Variants in FBXW10B observed in about 807,000 individuals in gnomAD.
FBXW10B encodes F-box and WD repeat domain containing protein 10B.
chr17:15,572,181 G>A, the FBXW10B span: 1 of 151,472 alleles, frequency 6.6e-6, no homozygotes, highest in East Asian at 1.9e-4. Flanking sequence ...TAGATTTTCA[G>A]AGCACTTGGT....
chr17:15,603,660 T>C, the FBXW10B span, among the ~76,000 whole-genome samples: 5 of 151,692 alleles, frequency 3.3e-5, no homozygotes, highest in East Asian at 7.8e-4. Flanking sequence ...GAAAACAGTT[T>C]AGTACTCCTT....
the FBXW10B span, chr17:15,566,254 T>A: frequency 6.2e-7 from 1 of 1,609,988 alleles, no homozygotes; most frequent in Non-Finnish European, 8.5e-7. Context: ...GAGGAATTGG[T>A]CAGGTGACAT....
chr17:15,577,344 A>G, the FBXW10B span, among the ~76,000 whole-genome samples: 3 of 152,116 alleles, frequency 2.0e-5, no homozygotes, highest in Admixed American at 2.0e-4. Flanking sequence ...AGTCATTACA[A>G]TGGTTGAACA....
chr17:15,599,938 C>T, the FBXW10B span, among the ~76,000 whole-genome samples: 1 of 151,998 alleles, frequency 6.6e-6, no homozygotes, highest in Non-Finnish European at 1.5e-5. Flanking sequence ...TACTTACAGC[C>T]GGGCACGGTG....
chr17:15,610,009 C>A, the FBXW10B span, among the ~76,000 whole-genome samples: 3 of 151,764 alleles, frequency 2.0e-5, no homozygotes, highest in Admixed American at 2.0e-4. Context: ...TATAGGCATG[C>A]ACCACCATGC....
At chr17:15,574,028 C>G in the FBXW10B span, 2 of 653,270 alleles carry the variant, frequency 3.1e-6, no homozygotes, top group Admixed American at 2.6e-5. Context: ...TGCCAGCAGT[C>G]GCCAGGTGTC....
the FBXW10B span, among the ~76,000 whole-genome samples, chr17:15,602,624 G>GTTTTTTTT: frequency 1.3e-5 from 1 of 75,368 alleles, no homozygotes; most frequent in African/African-American, 7.5e-5. Context: ...TTGAGACCGA[G>GTTTTTTTT]TTTTTTTTTT....
chr17:15,599,118 C>A, the FBXW10B span, among the ~76,000 whole-genome samples: 1 of 143,284 alleles, frequency 7.0e-6, no homozygotes, highest in Non-Finnish European at 1.5e-5. Flanking sequence ...GAGGTTGCAG[C>A]GAGCTGAGAT....
chr17:15,601,260 T>A, the FBXW10B span, among the ~76,000 whole-genome samples: 65 of 148,126 alleles, frequency 4.4e-4, no homozygotes, highest in African/African-American at 1.5e-3. Context: ...ATACAAAAAA[T>A]TAGCCAGGCG....
the FBXW10B span, among the ~76,000 whole-genome samples, chr17:15,570,095 T>C: frequency 6.6e-6 from 1 of 152,178 alleles, no homozygotes; most frequent in Non-Finnish European, 1.5e-5. Flanking sequence ...CCATTATACC[T>C]GGCAGGTAGC....
the FBXW10B span, chr17:15,589,159 C>T: frequency 6.2e-7 from 1 of 1,612,800 alleles, no homozygotes; most frequent in South Asian, 1.1e-5. Context: ...AGCTGTAGCA[C>T]TTGGTTCGAT....
chr17:15,599,535 G>C, the FBXW10B span, among the ~76,000 whole-genome samples: 1 of 143,940 alleles, frequency 6.9e-6, no homozygotes, highest in African/African-American at 2.6e-5. Context: ...AGATAGAAGC[G>C]TCCTGAATGA....
At chr17:15,589,504 T>C in the FBXW10B span, among the ~76,000 whole-genome samples, 4 of 151,262 alleles carry the variant, frequency 2.6e-5, no homozygotes, top group Non-Finnish European at 5.9e-5. Flanking sequence ...TGCGTTCCCC[T>C]CTTATGAAAG....
At chr17:15,614,346 G>A in the FBXW10B span, among the ~76,000 whole-genome samples, 1,557 of 151,964 alleles carry the variant, frequency 0.01, 28 homozygotes, top group African/African-American at 0.036. Context: ...CCGCCACCAC[G>A]CCCGACTAAT....
the FBXW10B span, among the ~76,000 whole-genome samples, chr17:15,582,672 A>C: frequency 6.6e-6 from 1 of 151,866 alleles, no homozygotes; most frequent in South Asian, 2.1e-4. Flanking sequence ...GAGTTCAAGT[A>C]ACTTGCAAAT....
the FBXW10B span, chr17:15,596,733 G>A: frequency 6.7e-7 from 1 of 1,495,998 alleles, no homozygotes; most frequent in African/African-American, 1.4e-5. Context: ...TTACAGTGGA[G>A]TTCTGCTCCC....
At chr17:15,615,612 C>G in the FBXW10B span, 3 of 1,613,368 alleles carry the variant, frequency 1.9e-6, no homozygotes, top group Non-Finnish European at 2.5e-6. Context: ...CGCACCTAGC[C>G]CATATTGGCT....
At chr17:15,601,360 G>A in the FBXW10B span, among the ~76,000 whole-genome samples, 1 of 135,202 alleles carries the variant, frequency 7.4e-6, no homozygotes, top group Non-Finnish European at 1.5e-5. Flanking sequence ...AGTGAGCTGA[G>A]ATCGCACTAC....
the FBXW10B span, chr17:15,605,282 G>A: frequency 6.3e-7 from 1 of 1,594,134 alleles, no homozygotes; most frequent in East Asian, 2.3e-5. Flanking sequence ...ACAGGAAGAG[G>A]GCCCGGACAC....
Sources: gnomAD v4.1 joint callset for allele counts (sites outside exome capture counted in the v4.1 genomes callset) on GRCh38, gnomAD v4.1.1 for gene constraint, MANE v1.5 for transcripts, NCBI Gene and HGNC (gene_info 2026-07-23, HGNC 2026-07-21) for gene names.